Variants in ZNF37A observed in about 807,000 individuals in gnomAD.
The protein encoded by ZNF37A is zinc finger protein 37a (KOX 21).
ZNF37A carries 10 observed loss-of-function variants against 12.3 expected under a neutral mutation model. The observed-to-expected ratio is 0.82, with a 90% CI of 0.50 to 1.38. The LOEUF is 1.38. Ranked by LOEUF, ZNF37A falls within the 40% of genes most tolerant of loss-of-function variation. The probability of loss-of-function intolerance (pLI) is 0.00; values close to 1 mark genes in which losing one functional copy is unlikely to be tolerated. For synonymous variants in ZNF37A, 207 were observed against 223.0 expected (o/e 0.93, Z 0.64); for missense variants, 580 against 651.2 (o/e 0.89, Z 1.19).
intron 5 of ZNF37A, among the ~76,000 whole-genome samples, chr10:38,111,923 T>C (rs2068698783): frequency 6.6e-6 from 1 of 151,734 alleles, no homozygotes; most frequent in African/African-American, 2.4e-5. Context: ...TCTTTTTTTT[T>C]TTTTTGAGAC....
At chr10:38,112,732 TTTC>T (rs1271459602) in intron 5 of ZNF37A, among the ~76,000 whole-genome samples, 1 of 73,582 alleles carries the variant, frequency 1.4e-5, no homozygotes, top group African/African-American at 5.5e-5. Context: ...TTACATCCAT[TTTC>T]TTTTCTTTTC....
chr10:38,101,781 T>C (rs1198309861), intron 5 of ZNF37A, among the ~76,000 whole-genome samples: 1 of 151,648 alleles, frequency 6.6e-6, no homozygotes, highest in African/African-American at 2.4e-5. Context: ...TTGGATCATA[T>C]ATTTGTATTT....
chr10:38,101,699 CTG>C (rs1385618394), intron 5 of ZNF37A, among the ~76,000 whole-genome samples: 1 of 151,526 alleles, frequency 6.6e-6, no homozygotes, highest in Non-Finnish European at 1.5e-5. Context: ...CTATCCTCTT[CTG>C]TCATTTCAAT....
intron 7 of ZNF37A, 161 bp downstream of exon 7, chr10:38,115,451 A>T (rs2069194222): frequency 1.5e-5 from 14 of 913,478 alleles, no homozygotes; most frequent in Non-Finnish European, 2.2e-5. Context: ...GTGACTCTGA[A>T]TCACCCAGCA....
At chr10:38,114,963 AT>A in intron 6 of ZNF37A, 82 bp downstream of exon 6, 1 of 1,497,348 alleles carries the variant, frequency 6.7e-7, no homozygotes, top group Non-Finnish European at 9.0e-7. Context: ...CTTTTGTAAA[AT>A]ATAATAATAT....
downstream of ZNF37A, among the ~76,000 whole-genome samples, chr10:38,128,371 G>T: frequency 6.6e-6 from 1 of 152,026 alleles, no homozygotes; most frequent in East Asian, 1.9e-4. Flanking sequence ...TTAAGTAATT[G>T]CACACATCTG....
intron 7 of ZNF37A, chr10:38,141,442 C>T (rs144137502): frequency 2.6e-5 from 4 of 152,204 alleles, no homozygotes; most frequent in Admixed American, 2.6e-4. Context: ...AAACATAAAC[C>T]AAGGGAACTC....
intron 7 of ZNF37A, among the ~76,000 whole-genome samples, chr10:38,116,939 T>C (rs772365338): frequency 6.6e-6 from 1 of 152,108 alleles, no homozygotes; most frequent in Non-Finnish European, 1.5e-5. Flanking sequence ...CAAAATCCTG[T>C]CTCTACTAAA....
intron 5 of ZNF37A, among the ~76,000 whole-genome samples, chr10:38,109,938 A>C (rs1274957725): frequency 6.6e-6 from 1 of 152,224 alleles, no homozygotes. Context: ...TATAGATTCA[A>C]GCTATCCCCA....
At position 38,114,748 on chromosome 10, in the gene ZNF37A, T is replaced by G; in HGVS notation, c.16-7T>G. The G allele has an allele frequency of 1.2e-6, 2 of 1,614,032 alleles. No individual in the cohort carries two copies. Among genetic ancestry groups the G allele is most frequent in the Non-Finnish European group, 1.7e-6 (2 of 1,179,964 alleles). ...ACTTCAGACTGAGCAAAATTGTGAT[T>G]TTCCAGGGATCAGTGTCGTTTAGGG... is the stretch of plus-strand genomic sequence containing the variant. On this transcript the variant is annotated splice_polypyrimidine_tract_variant and splice_region_variant and intron_variant, in intron 5 of 7. Transcript: ENST00000685332.
chr10:38,115,934 A>G, intron 7 of ZNF37A, among the ~76,000 whole-genome samples: 1 of 151,912 alleles, frequency 6.6e-6, no homozygotes, highest in East Asian at 2.0e-4. Flanking sequence ...CTGTGGTCCC[A>G]TGCCTGGCTA....
chr10:38,112,750 CTT>C (rs1389404220), intron 5 of ZNF37A, among the ~76,000 whole-genome samples: 2 of 47,350 alleles, frequency 4.2e-5, no homozygotes, highest in Non-Finnish European at 8.9e-5. Flanking sequence ...CTTTTCTTTT[CTT>C]TTCTTTTCTT....
rs1554929923 is a variant in ZNF37A, at chr10:38,112,778, T to TCTTGG, written c.16-1977_16-1976insCTTGG. 1.1e-3 allele frequency among the ~76,000 whole-genome samples: 73 copies of TCTTGG among 63,812 alleles called. 14 individuals are homozygous for TCTTGG. The highest frequency in any genetic ancestry group is 2.1e-3 in the African/African-American group (37 of 17,264). The allele number at this position is 63,812 out of a possible 152,430, so 41.9% of individuals were successfully genotyped here. A position where few individuals can be genotyped will look rare whatever the true frequency, so the allele number is the denominator to read the frequency against. ...TTCTTTTCTTTTCTTTTCTTTTCTT[T>TCTTGG]TCTTTTCTTTTCTTTTCTTGTCTTG... On this transcript the variant is annotated intron_variant, in intron 5 of 7. Coordinates refer to ENST00000685332, the MANE Select transcript of ZNF37A (RefSeq NM_001324250.3).
In ZNF37A at chr10:38,110,623, T is replaced by TC. The variant is rs2068559723; in HGVS notation, c.16-4132_16-4131insC. ...CTAATATCCAGAATCTACAAAGAAC[T>TC]TAAACAAATTTACAAGAAAAAAACA... On this transcript the variant is annotated intron_variant, in intron 5 of 7. Coordinates refer to ENST00000685332, the MANE Select transcript of ZNF37A (RefSeq NM_001324250.3). Among the ~76,000 whole-genome samples, 4 of 152,176 alleles carry TC rather than the reference T, an allele frequency of 2.6e-5. No individual in the cohort carries two copies. In the South Asian group the frequency reaches 8.3e-4, roughly 32 times the overall value.
chr10:38,125,578 A>G (rs1317584411), downstream of ZNF37A: 1 of 152,236 alleles, frequency 6.6e-6, no homozygotes, highest in Non-Finnish European at 1.5e-5. Context: ...TTTTCCACAG[A>G]ACAGAATAAA....
chr10:38,116,344 C>T (rs2069268756), intron 7 of ZNF37A, among the ~76,000 whole-genome samples: 1 of 152,098 alleles, frequency 6.6e-6, no homozygotes, highest in Admixed American at 6.5e-5. Context: ...TATAGCAATC[C>T]AGCTGATGTT....
chr10:38,145,346 T>C (rs2070238954), intron 7 of ZNF37A, among the ~76,000 whole-genome samples: 1 of 152,226 alleles, frequency 6.6e-6, no homozygotes, highest in Admixed American at 6.5e-5. Flanking sequence ...ACAAATTGTC[T>C]TGATAGGGTG....
intron 7 of ZNF37A, among the ~76,000 whole-genome samples, chr10:38,131,281 C>T (rs923052759): frequency 6.6e-6 from 1 of 152,146 alleles, no homozygotes; most frequent in Non-Finnish European, 1.5e-5. Context: ...AATCCAATGT[C>T]ATGAGGATTT....
intron 5 of ZNF37A, among the ~76,000 whole-genome samples, chr10:38,104,527 T>G (rs2067878617): frequency 6.6e-6 from 1 of 151,948 alleles, no homozygotes; most frequent in South Asian, 2.1e-4. Flanking sequence ...TGGAGTTACC[T>G]TTTCCATTTT....
Sources: allele counts gnomAD v4.1 joint callset (sites outside exome capture counted in the v4.1 genomes callset), GRCh38; gene constraint gnomAD v4.1.1; transcripts MANE v1.5; gene names NCBI Gene and HGNC (gene_info 2026-07-23, HGNC 2026-07-21).